Variants in TBC1D1 observed in about 807,000 individuals in gnomAD.
TBC1D1 encodes the protein TBC1 (tre-2/USP6, BUB2, cdc16) domain family, member 1.
In TBC1D1, 89 loss-of-function variants were observed where a neutral mutation model predicts 125.6. The ratio of observed to expected loss-of-function variants is 0.71; its 90% CI spans 0.60 to 0.85. TBC1D1 has a LOEUF of 0.85. TBC1D1 is among the 40% of genes least tolerant of loss of function. The pLI is 0.00. For missense variants in TBC1D1, 1,377 were observed against 1,469.2 expected (o/e 0.94, Z 1.03); for synonymous variants, 565 against 564.1 (o/e 1.00, Z -0.02).
At chr4:37,967,324 G>A (rs1001655919) in intron 2 of TBC1D1, among the ~76,000 whole-genome samples, 1 of 152,126 alleles carries the variant, frequency 6.6e-6, no homozygotes, top group Non-Finnish European at 1.5e-5. Flanking sequence ...GTGAAACCCC[G>A]TCTCTACTAA....
Position 38,020,581 on chromosome 4 carries a change from C to G in TBC1D1, c.973-10C>G, listed in dbSNP as rs771319639. On this transcript the variant is annotated splice_polypyrimidine_tract_variant and intron_variant, in intron 4 of 19. Transcript: ENST00000261439. ...ATACAACTGAACATCTCGTTCTCTC[C>G]CTTTGGCAGGGCATCAGACACGTGG... The G allele has an allele frequency of 1.2e-6, 2 of 1,610,888 alleles. No homozygotes were observed. The highest frequency in any genetic ancestry group is 2.2e-5 in the South Asian group (2 of 91,018).
intron 8 of TBC1D1, among the ~76,000 whole-genome samples, chr4:38,042,997 G>C (rs1468049597): frequency 6.6e-6 from 1 of 152,032 alleles, no homozygotes; most frequent in Non-Finnish European, 1.5e-5. Context: ...CGGCTTCTGA[G>C]TTCAAGCGAT....
chr4:38,028,968 C>T (rs1305754596), intron 7 of TBC1D1, among the ~76,000 whole-genome samples: 3 of 152,108 alleles, frequency 2.0e-5, no homozygotes, highest in Admixed American at 6.6e-5. Flanking sequence ...AAAATTCAAG[C>T]TCATCAGCTT....
chr4:37,996,040 G>T (rs979983616), intron 2 of TBC1D1: 5 of 515,768 alleles, frequency 9.7e-6, no homozygotes, highest in African/African-American at 9.6e-5. Context: ...AGGGAGGTCA[G>T]GCAGCTACAA....
At chr4:37,892,598 A>G (rs1191522536) in intron 1 of TBC1D1, among the ~76,000 whole-genome samples, 2 of 152,196 alleles carry the variant, frequency 1.3e-5, no homozygotes. Flanking sequence ...AACCAGGAGA[A>G]TAGGAAAAAA....
intron 7 of TBC1D1, among the ~76,000 whole-genome samples, chr4:38,029,681 A>G (rs1745768567): frequency 6.6e-6 from 1 of 152,130 alleles, no homozygotes; most frequent in Non-Finnish European, 1.5e-5. Context: ...TTCTCATTTT[A>G]ATCACGTTAG....
chr4:37,960,512 G>C, intron 2 of TBC1D1: 1 of 1,613,904 alleles, frequency 6.2e-7, no homozygotes, highest in African/African-American at 1.3e-5. Context: ...TGCTGAAGCT[G>C]GAGTCTAGAC....
intron 13 of TBC1D1, among the ~76,000 whole-genome samples, chr4:38,093,065 C>T (rs755360092): frequency 4.6e-5 from 7 of 152,086 alleles, no homozygotes; most frequent in African/African-American, 7.2e-5. Context: ...TATAAGAAAG[C>T]GACATTGAGC....
At chr4:37,994,100 G>C (rs1457929172) in intron 2 of TBC1D1, among the ~76,000 whole-genome samples, 1 of 152,210 alleles carries the variant, frequency 6.6e-6, no homozygotes, top group East Asian at 1.9e-4. Context: ...ACCTGCTCAG[G>C]AGGTCCTGGA....
At chr4:38,055,385 A>C (rs970814359) in intron 12 of TBC1D1, among the ~76,000 whole-genome samples, 3 of 152,220 alleles carry the variant, frequency 2.0e-5, no homozygotes, top group Non-Finnish European at 4.4e-5. Flanking sequence ...ATAACCTGGG[A>C]TTAATTATGC....
chr4:38,039,836 A>G (rs1036165400), intron 8 of TBC1D1, among the ~76,000 whole-genome samples: 2 of 152,168 alleles, frequency 1.3e-5, no homozygotes, highest in African/African-American at 4.8e-5. Context: ...TGTGAGGGCC[A>G]GGCACGGTGG....
At chr4:38,018,105 T>C (rs1283967334) in intron 3 of TBC1D1, among the ~76,000 whole-genome samples, 1 of 151,358 alleles carries the variant, frequency 6.6e-6, no homozygotes, top group Non-Finnish European at 1.5e-5. Context: ...GTGTGGATCT[T>C]GAGGCCTATT....
intron 2 of TBC1D1, among the ~76,000 whole-genome samples, chr4:37,925,957 T>C (rs575084276): frequency 1.3e-5 from 2 of 152,362 alleles, no homozygotes; most frequent in African/African-American, 4.8e-5. Flanking sequence ...ATTTAAATTA[T>C]TCAATTCAGT....
chr4:37,985,393 C>T (rs1339901034), intron 2 of TBC1D1, among the ~76,000 whole-genome samples: 2 of 152,122 alleles, frequency 1.3e-5, no homozygotes, highest in Non-Finnish European at 2.9e-5. Context: ...AAAAAGCTGA[C>T]AGAAAAATTA....
At chr4:38,124,281 G>A (rs1764299779) in intron 17 of TBC1D1, among the ~76,000 whole-genome samples, 1 of 152,142 alleles carries the variant, frequency 6.6e-6, no homozygotes, top group African/African-American at 2.4e-5. Flanking sequence ...GTTGCTGCTC[G>A]GCCGCTTGCC....
rs1396958549 is a variant in TBC1D1 at position 38,095,997 on chromosome 4, G to A, written c.2305G>A (p.Glu769Lys). Residue 769 changes from glutamate to lysine, a missense_variant, in exon 14 of 20, where the codon GAA becomes AAA. Physicochemically the swap from Glu to Lys is moderately conservative, Grantham distance 56. This residue lies in a region of TBC1D1 where 543 missense variants were observed against 613.5 expected (regional missense o/e 0.89). Coordinates refer to ENST00000261439, the MANE Select transcript of TBC1D1 (RefSeq NM_015173.4). ...TGAAGAAATTACTCCCTGTCTTAAAGAAGTAACTACAGTGTGGGAAAAGAT... is the reference window on the plus strand; with the variant it reads ...TGAAGAAATTACTCCCTGTCTTAAAAAAGTAACTACAGTGTGGGAAAAGAT... 1.2e-6 allele frequency: 2 copies of A among 1,614,028 alleles called. No homozygotes were observed. Among genetic ancestry groups the A allele is most frequent in the Non-Finnish European group, 1.7e-6 (2 of 1,179,954 alleles).
chr4:37,892,979 G>T (rs1048979481), intron 1 of TBC1D1, among the ~76,000 whole-genome samples: 5 of 152,152 alleles, frequency 3.3e-5, no homozygotes, highest in African/African-American at 1.2e-4. Flanking sequence ...GATGTGGGCG[G>T]GTGGCTTTTT....
chr4:38,075,497 T>C (rs1455963964), intron 12 of TBC1D1, among the ~76,000 whole-genome samples: 1 of 152,194 alleles, frequency 6.6e-6, no homozygotes, highest in Non-Finnish European at 1.5e-5. Flanking sequence ...TCAGCGAACA[T>C]TGTGTTGGGT....
intron 4 of TBC1D1, among the ~76,000 whole-genome samples, chr4:38,020,215 A>AGT (rs1215115948): frequency 1.3e-5 from 2 of 152,168 alleles, no homozygotes; most frequent in East Asian, 3.8e-4. Flanking sequence ...GGCCAGGCGC[A>AGT]GTGGTTCACG....
Sources: gnomAD v4.1 joint callset for allele counts (sites outside exome capture counted in the v4.1 genomes callset) on GRCh38, gnomAD v4.1.1 for gene constraint, gnomAD v4.1.1 regional missense constraint, MANE v1.5 for transcripts, NCBI Gene and HGNC (gene_info 2026-07-23, HGNC 2026-07-21) for gene names.